Variants in GOLIM4 observed in about 807,000 individuals in gnomAD.
GOLIM4 encodes 130 kDa golgi-localized phosphoprotein.
GOLIM4 carries 71 observed loss-of-function variants against 107.4 expected under a neutral mutation model. The observed-to-expected ratio is 0.66, with a 90% CI of 0.55 to 0.81. The LOEUF is 0.81. GOLIM4 is among the 30% of genes least tolerant of loss of function. The pLI, the probability that GOLIM4 is intolerant of heterozygous loss-of-function variation, is 0.00. For missense variants in GOLIM4, 830 were observed against 826.1 expected, an observed-to-expected ratio of 1.00 and a Z score of -0.06; for synonymous variants, 327 against 294.8, an observed-to-expected ratio of 1.11 and a Z score of -1.12.
chr3:168,043,587 T>G lies in GOLIM4; in HGVS notation c.367-58A>C. On this transcript the variant is annotated intron_variant, in intron 4 of 15. Coordinates refer to ENST00000470487, the MANE Select transcript of GOLIM4 (RefSeq NM_014498.5). ...ATTCTCTGAATTATATGAGAGTCTATTTCTTGACAGCACAGTAAACAAAAA... is the reference window on the plus strand; with the variant it reads ...ATTCTCTGAATTATATGAGAGTCTAGTTCTTGACAGCACAGTAAACAAAAA... 2.9e-6 allele frequency: 4 copies of G among 1,367,346 alleles called. No homozygotes were observed. In the Admixed American group the frequency reaches 8.8e-5, roughly 30 times the overall value. 84.7% of individuals were successfully genotyped at this position (1,367,346 alleles called of 1,614,324 possible). A position where few individuals can be genotyped will look rare whatever the true frequency, so the allele number is the denominator to read the frequency against.
At chr3:168,054,829 G>T (rs1272702717) in intron 1 of GOLIM4, among the ~76,000 whole-genome samples, 1 of 152,086 alleles carries the variant, frequency 6.6e-6, no homozygotes, top group African/African-American at 2.4e-5. Flanking sequence ...CATGTGGTGG[G>T]AGGGACCCAG....
chr3:168,030,172 C>T, intron 9 of GOLIM4, 136 bp from the exon 10 acceptor site: 1 of 839,090 alleles, frequency 1.2e-6, no homozygotes, highest in Non-Finnish European at 1.8e-6. Flanking sequence ...TGTGATTATA[C>T]ATGAAGTCCA....
At chr3:168,071,657 T>C (rs1332691061) in intron 1 of GOLIM4, among the ~76,000 whole-genome samples, 2 of 151,296 alleles carry the variant, frequency 1.3e-5, no homozygotes, top group African/African-American at 4.9e-5. Flanking sequence ...GACCCATTTT[T>C]GCTTGATGAC....
At chr3:168,041,022 ACTACG>A (rs1718967177) in intron 6 of GOLIM4, 153 bp from the exon 7 acceptor site, 1 of 576,950 alleles carries the variant, frequency 1.7e-6, no homozygotes, top group East Asian at 2.8e-5. Flanking sequence ...TAGAGAGAAC[ACTACG>A]CTTTATGTAG....
At chr3:168,045,016 G>C in intron 3 of GOLIM4, 135 bp from the exon 4 acceptor site, 1 of 541,428 alleles carries the variant, frequency 1.8e-6, no homozygotes, top group African/African-American at 2.0e-5. Context: ...TTTGAACCAA[G>C]ATGTCGCTGG....
At chr3:168,023,415 A>G (rs1029262737) in intron 14 of GOLIM4, among the ~76,000 whole-genome samples, 1 of 152,262 alleles carries the variant, frequency 6.6e-6, no homozygotes, top group Non-Finnish European at 1.5e-5. Flanking sequence ...GACCTTAAAG[A>G]GCAACATCCT....
chr3:168,085,132 G>A (rs1194375672), intron 1 of GOLIM4, among the ~76,000 whole-genome samples: 3 of 152,128 alleles, frequency 2.0e-5, no homozygotes, highest in Admixed American at 6.5e-5. Context: ...TGATAGTTAC[G>A]AAAATTCTTA....
At chr3:168,035,239 A>G (rs1718580912) in intron 8 of GOLIM4, among the ~76,000 whole-genome samples, 1 of 152,198 alleles carries the variant, frequency 6.6e-6, no homozygotes, top group African/African-American at 2.4e-5. Flanking sequence ...CATGAAAGAC[A>G]GTGTGGAGAC....
At chr3:168,090,302 G>A (rs1721843718) in intron 1 of GOLIM4, among the ~76,000 whole-genome samples, 1 of 151,494 alleles carries the variant, frequency 6.6e-6, no homozygotes, top group Non-Finnish European at 1.5e-5. Flanking sequence ...ATATCCAGAA[G>A]CTACAAGGAA....
intron 1 of GOLIM4, among the ~76,000 whole-genome samples, chr3:168,050,417 C>T (rs1719549753): frequency 6.6e-6 from 1 of 152,076 alleles, no homozygotes; most frequent in Non-Finnish European, 1.5e-5. Context: ...GTAAGATTAG[C>T]CCTATAGAAC....
At chr3:168,023,367 A>G (rs1427020396) in intron 14 of GOLIM4, among the ~76,000 whole-genome samples, 5 of 152,254 alleles carry the variant, frequency 3.3e-5, no homozygotes, top group African/African-American at 4.8e-5. Flanking sequence ...AAAAAGATCA[A>G]GCCAGTTAAA....
At chr3:168,018,732 T>C (rs1459499090) in intron 14 of GOLIM4, among the ~76,000 whole-genome samples, 1 of 152,216 alleles carries the variant, frequency 6.6e-6, no homozygotes, top group Non-Finnish European at 1.5e-5. Context: ...ATTGCTGAAG[T>C]GTCCCTGTCA....
intron 12 of GOLIM4, 95 bp downstream of exon 12, chr3:168,027,633 T>C: frequency 2.6e-6 from 2 of 757,466 alleles, no homozygotes; most frequent in East Asian, 2.4e-5. Context: ...ATAACAGAAA[T>C]ATCTGGGGCT....
chr3:168,067,208 C>T (rs1367950111), intron 1 of GOLIM4, among the ~76,000 whole-genome samples: 1 of 151,980 alleles, frequency 6.6e-6, no homozygotes, highest in African/African-American at 2.4e-5. Flanking sequence ...TTTGTGACTA[C>T]TTTATTAGTT....
intron 1 of GOLIM4, among the ~76,000 whole-genome samples, chr3:168,083,303 A>G (rs1367914380): frequency 6.6e-6 from 1 of 152,202 alleles, no homozygotes; most frequent in East Asian, 1.9e-4. Context: ...CCTATCAAAT[A>G]AAACTTCACC....
Position 168,039,263 on chromosome 3 carries a change from A to AT in GOLIM4, c.684+1522_684+1523insA, listed in dbSNP as rs1560082462. Among the ~76,000 whole-genome samples, 542 of 145,018 alleles carry AT rather than the reference A, an allele frequency of 3.7e-3. 4 individuals carry two copies. Among genetic ancestry groups the AT allele is most frequent in the African/African-American group, 0.013 (511 of 38,136 alleles). On this transcript the variant is annotated intron_variant, in intron 7 of 15. Coordinates refer to ENST00000470487, the MANE Select transcript of GOLIM4 (RefSeq NM_014498.5). ...TATAACTATATATTAAGAAAAAAAAAATTTTTTTTTTTTTTTTGAGATGGA... is the reference window on the plus strand; with the variant it reads ...TATAACTATATATTAAGAAAAAAAAATATTTTTTTTTTTTTTTTGAGATGGA...
At chr3:168,077,536 C>G (rs1278829867) in intron 1 of GOLIM4, among the ~76,000 whole-genome samples, 5 of 152,138 alleles carry the variant, frequency 3.3e-5, no homozygotes, top group Non-Finnish European at 7.4e-5. Flanking sequence ...AAACCACAGC[C>G]AAACTGCAGA....
At chr3:168,056,290 C>A (rs1719967082) in intron 1 of GOLIM4, among the ~76,000 whole-genome samples, 1 of 152,338 alleles carries the variant, frequency 6.6e-6, no homozygotes, top group Middle Eastern at 3.4e-3. Context: ...GGTTTGGGAA[C>A]CTCCACCTAG....
At chr3:168,060,488 C>A (rs1388375339) in intron 1 of GOLIM4, among the ~76,000 whole-genome samples, 3 of 152,000 alleles carry the variant, frequency 2.0e-5, no homozygotes, top group Non-Finnish European at 4.4e-5. Context: ...TGAGGAAGAT[C>A]AGAAGTAAGA....
Sources: gnomAD v4.1 joint callset for allele counts (sites outside exome capture counted in the v4.1 genomes callset) on GRCh38, gnomAD v4.1.1 for gene constraint, MANE v1.5 for transcripts, NCBI Gene and HGNC (gene_info 2026-07-23, HGNC 2026-07-21) for gene names.